MAP2K5: variants seen among roughly 807,000 people sequenced by gnomAD.
The protein encoded by MAP2K5 is mitogen-activated protein kinase kinase 5.
A neutral mutation model predicts 83.1 loss-of-function variants in MAP2K5; 49 were observed. The observed-to-expected ratio is 0.59, with a 90% CI of 0.47 to 0.75. MAP2K5 has a LOEUF of 0.75. MAP2K5 is among the 30% of genes least tolerant of loss of function. The pLI, the probability that MAP2K5 is intolerant of heterozygous loss-of-function variation, is 0.00. For synonymous variants in MAP2K5, 202 were observed against 191.8 expected, an observed-to-expected ratio of 1.05 and a Z score of -0.44; for missense variants, 457 against 557.5, an observed-to-expected ratio of 0.82 and a Z score of 1.82.
At position 67,644,668 on chromosome 15, in the gene MAP2K5, T is replaced by G. The variant is rs1217878804; in HGVS notation, c.586-1563T>G. Among the ~76,000 whole-genome samples the G allele has an allele frequency of 1.3e-5, 2 of 151,956 alleles. No individual in the cohort carries two copies. Among genetic ancestry groups the G allele is most frequent in the African/African-American group, 4.8e-5 (2 of 41,340 alleles). On this transcript the variant is annotated intron_variant, in intron 9 of 21. Coordinates refer to ENST00000178640, the MANE Select transcript of MAP2K5 (RefSeq NM_145160.3). This position sits in a 1 kb window ranked among gnomAD's most constrained non-coding sequence, Gnocchi z 4.6. The stretch of plus-strand genomic sequence containing the variant: ...GGAGGGGGTCCTACCATTCCCAGGC[T>G]CTGTGGCTCCCAGGAGGGAAACGTG...
In MAP2K5 at chr15:67,638,864, A is replaced by G. The variant is rs921123508; in HGVS notation, c.586-7367A>G. On this transcript the variant is annotated intron_variant, in intron 9 of 21. Coordinates refer to ENST00000178640, the MANE Select transcript of MAP2K5 (RefSeq NM_145160.3). This position sits in a 1 kb window ranked among gnomAD's most constrained non-coding sequence, Gnocchi z 4.5. ...TTCCATAGGATTGTTGGCCTCGTGTATATCTTCTTTTGAGAAGTGTCTGTT... is the reference window on the plus strand; with the variant it reads ...TTCCATAGGATTGTTGGCCTCGTGTGTATCTTCTTTTGAGAAGTGTCTGTT... Among the ~76,000 whole-genome samples, 3 of 152,196 alleles carry G rather than the reference A, an allele frequency of 2.0e-5. No individual in the cohort carries two copies. Among genetic ancestry groups the G allele is most frequent in the Non-Finnish European group, 2.9e-5 (2 of 68,038 alleles).
chr15:67,776,484 T>C (rs1292462068), intron 21 of MAP2K5, among the ~76,000 whole-genome samples: 2 of 151,930 alleles, frequency 1.3e-5, no homozygotes, highest in African/African-American at 4.8e-5. Context: ...TCAGAAAGGA[T>C]TGGTGGGACT....
At chr15:67,648,720 G>A (rs960845898) in intron 11 of MAP2K5, among the ~76,000 whole-genome samples, 5 of 152,018 alleles carry the variant, frequency 3.3e-5, no homozygotes, top group Non-Finnish European at 7.4e-5. Context: ...GAGTAGCTGG[G>A]ACTACAGGCG....
rs557324605 is a variant in MAP2K5 at position 67,781,324 on chromosome 15, G to A, written c.1242+8572G>A. 7.2e-5 allele frequency among the ~76,000 whole-genome samples: 11 copies of A among 152,286 alleles called. No individual in the cohort carries two copies. Among genetic ancestry groups the A allele is most frequent in the Admixed American group, 7.2e-4 (11 of 15,306 alleles). On this transcript the variant is annotated intron_variant, in intron 21 of 21. Transcript: ENST00000178640. The surrounding 1 kb of genome is among the most constrained non-coding windows in gnomAD (Gnocchi z 4.0). The stretch of plus-strand genomic sequence containing the variant: ...TTAGAAAGCTCCTATTTACAGTTGT[G>A]CCAGCTGGATTTGTTTAATGGGTTG...
chr15:67,692,427 A>G, intron 13 of MAP2K5, 52 bp from the exon 14 acceptor site: 4 of 1,307,412 alleles, frequency 3.1e-6, no homozygotes, highest in Non-Finnish European at 4.4e-6. Context: ...TAAAGAACAA[A>G]CGCTGTAGAT....
chr15:67,578,387 G>T (rs1228168134), intron 3 of MAP2K5, among the ~76,000 whole-genome samples: 1 of 152,098 alleles, frequency 6.6e-6, no homozygotes, highest in Non-Finnish European at 1.5e-5. Context: ...GTTCCTCAGG[G>T]GCCAGTTGTG....
intron 9 of MAP2K5, among the ~76,000 whole-genome samples, chr15:67,634,297 A>G (rs1438690340): frequency 7.0e-6 from 1 of 143,658 alleles, no homozygotes; most frequent in African/African-American, 2.6e-5. Flanking sequence ...GAGCTGAGGA[A>G]GTTGAGACTT....
intron 21 of MAP2K5, among the ~76,000 whole-genome samples, chr15:67,792,712 T>C (rs950127736): frequency 6.6e-6 from 1 of 152,234 alleles, no homozygotes; most frequent in Non-Finnish European, 1.5e-5. Context: ...CAAGATGAAG[T>C]TGTAAATCTG....
At chr15:67,607,287 G>GA (rs111681537) in intron 8 of MAP2K5, among the ~76,000 whole-genome samples, 49 of 152,276 alleles carry the variant, frequency 3.2e-4, no homozygotes, top group African/African-American at 1.1e-3. Flanking sequence ...AATGTTTTCA[G>GA]AAAATCAATG....
intron 8 of MAP2K5, among the ~76,000 whole-genome samples, chr15:67,608,129 C>A (rs1391138268): frequency 6.6e-6 from 1 of 152,296 alleles, no homozygotes; most frequent in Admixed American, 6.5e-5. Flanking sequence ...TAGCGCACTT[C>A]TGTGTTGTAG....
chr15:67,642,989 A>C (rs1845587254), intron 9 of MAP2K5, among the ~76,000 whole-genome samples: 1 of 152,124 alleles, frequency 6.6e-6, no homozygotes, highest in Non-Finnish European at 1.5e-5. Flanking sequence ...TAAATAAGTG[A>C]TTCTCAACCT....
intron 13 of MAP2K5, among the ~76,000 whole-genome samples, chr15:67,681,713 A>G (rs965569894): frequency 2.0e-5 from 3 of 152,200 alleles, no homozygotes; most frequent in Non-Finnish European, 4.4e-5. Flanking sequence ...TTTTTCACTA[A>G]AGGTTTATGT....
At position 67,748,207 on chromosome 15, in the gene MAP2K5, T is replaced by C; in HGVS notation, c.1075-24T>C. 2 of 1,574,290 alleles carry C rather than the reference T, an allele frequency of 1.3e-6. No individual in the cohort carries two copies. Among genetic ancestry groups the C allele is most frequent in the East Asian group, 2.2e-5 (1 of 44,586 alleles). The stretch of plus-strand genomic sequence containing the variant: ...GTGAGTCATTTTGATTATGACATGC[T>C]AATTACATATTGCCTTTTTTCAGAT... On this transcript the variant is annotated intron_variant, in intron 17 of 21. Coordinates refer to ENST00000178640, the MANE Select transcript of MAP2K5 (RefSeq NM_145160.3). The surrounding 1 kb of genome is among the most constrained non-coding windows in gnomAD (Gnocchi z 4.0).
At chr15:67,599,254 C>A (rs1219433960) in intron 7 of MAP2K5, among the ~76,000 whole-genome samples, 1 of 152,044 alleles carries the variant, frequency 6.6e-6, no homozygotes, top group African/African-American at 2.4e-5. Context: ...AAATAGTTGC[C>A]AATTGTTCTG....
intron 8 of MAP2K5, among the ~76,000 whole-genome samples, chr15:67,611,214 A>G (rs1479179727): frequency 1.3e-5 from 2 of 152,246 alleles, no homozygotes; most frequent in African/African-American, 2.4e-5. Flanking sequence ...TATATTTTAC[A>G]TGGCCTCAGC....
At position 67,676,272 on chromosome 15, in the gene MAP2K5, G is replaced by C. The variant is rs1287501186; in HGVS notation, c.847+11627G>C. Reference sequence around the variant, plus strand: ...GACAGGGTCATTTCTGTTGGTAGAGGAGTTTATGGCATTGATTGTATGCCA... The same window carrying C: ...GACAGGGTCATTTCTGTTGGTAGAGCAGTTTATGGCATTGATTGTATGCCA... On this transcript the variant is annotated intron_variant, in intron 13 of 21. Coordinates refer to ENST00000178640, the MANE Select transcript of MAP2K5 (RefSeq NM_145160.3). This position sits in a 1 kb window ranked among gnomAD's most constrained non-coding sequence, Gnocchi z 4.8. Among the ~76,000 whole-genome samples, 2 of 152,168 alleles carry C rather than the reference G, an allele frequency of 1.3e-5. No homozygotes were observed. Among genetic ancestry groups the C allele is most frequent in the Non-Finnish European group, 2.9e-5 (2 of 68,010 alleles).
chr15:67,647,871 A>C (rs563824822), intron 11 of MAP2K5, among the ~76,000 whole-genome samples: 9 of 151,822 alleles, frequency 5.9e-5, no homozygotes, highest in Non-Finnish European at 1.2e-4. Flanking sequence ...TCTGTCTTAA[A>C]AAAAATAAAA....
chr15:67,727,753 C>T (rs959359677), intron 16 of MAP2K5, among the ~76,000 whole-genome samples, 163 bp from the exon 17 acceptor site: 2 of 152,212 alleles, frequency 1.3e-5, no homozygotes, highest in African/African-American at 2.4e-5. Flanking sequence ...ATTCTAAATA[C>T]AGCTCTTAAT....
At chr15:67,564,310 A>G (rs1192636412) in intron 3 of MAP2K5, among the ~76,000 whole-genome samples, 2 of 152,216 alleles carry the variant, frequency 1.3e-5, no homozygotes, top group Non-Finnish European at 2.9e-5. Context: ...TTGAAAAGTT[A>G]AAAGTTCTAT....
Sources: allele counts gnomAD v4.1 joint callset (sites outside exome capture counted in the v4.1 genomes callset), GRCh38; gene constraint gnomAD v4.1.1; non-coding constraint Gnocchi (gnomAD v3.1); transcripts MANE v1.5; gene names NCBI Gene and HGNC (gene_info 2026-07-23, HGNC 2026-07-21).